Variants in CEP120 observed in about 807,000 individuals in gnomAD.
The protein encoded by CEP120 is centrosomal protein 120.
Under a neutral mutation model 126.5 loss-of-function variants are expected in CEP120, and 113 were observed. The observed-to-expected ratio is 0.89, with a 90% CI of 0.77 to 1.04. The LOEUF (loss-of-function observed/expected upper bound fraction) is 1.04. Among genes scored for constraint, CEP120 ranks in the 50% least tolerant of loss-of-function variants. The pLI is 0.00. For missense variants in CEP120, 1,230 were observed against 1,155.7 expected, an observed-to-expected ratio of 1.06 and a Z score of -0.93; for synonymous variants, 400 against 394.3, an observed-to-expected ratio of 1.01 and a Z score of -0.17.
intron 18 of CEP120, among the ~76,000 whole-genome samples, chr5:123,360,393 C>G (rs759705553): frequency 1.3e-5 from 2 of 151,758 alleles, no homozygotes; most frequent in Non-Finnish European, 2.9e-5. Context: ...ATCAATGATT[C>G]CTAGTGACCT....
chr5:123,384,053 TCTC>T (rs1417894016), intron 11 of CEP120, among the ~76,000 whole-genome samples: 1 of 152,086 alleles, frequency 6.6e-6, no homozygotes, highest in Non-Finnish European at 1.5e-5. Flanking sequence ...CTTAAGTAAA[TCTC>T]CTAAAACTTT....
At chr5:123,408,345 GATAA>G (rs1773828799) in intron 4 of CEP120, among the ~76,000 whole-genome samples, 1 of 143,082 alleles carries the variant, frequency 7.0e-6, no homozygotes, top group Non-Finnish European at 1.5e-5. Flanking sequence ...TCTCTGAAAA[GATAA>G]ATAAAATCAA....
chr5:123,381,012 T>C (rs1156867699), intron 14 of CEP120, among the ~76,000 whole-genome samples: 1 of 151,792 alleles, frequency 6.6e-6, no homozygotes, highest in South Asian at 2.1e-4. Context: ...TATTCAAGTT[T>C]TTAATGGTGA....
chr5:123,355,036 T>A (rs1216846702), intron 18 of CEP120, among the ~76,000 whole-genome samples: 1 of 150,278 alleles, frequency 6.7e-6, no homozygotes, highest in Non-Finnish European at 1.5e-5. Context: ...ACATGCGGTG[T>A]TTGGTTTTTT....
At chr5:123,406,436 T>A (rs1580728558) in intron 4 of CEP120, among the ~76,000 whole-genome samples, 3 of 142,408 alleles carry the variant, frequency 2.1e-5, no homozygotes, top group South Asian at 2.2e-4. Context: ...TATTAAAACA[T>A]CAGAAAATCA....
At chr5:123,386,442 T>C (rs751083520) in intron 10 of CEP120, 76 bp downstream of exon 10, 123 of 1,077,928 alleles carry the variant, frequency 1.1e-4, no homozygotes, top group Non-Finnish European at 1.5e-4. Context: ...CCTATAAGAA[T>C]TCCTTTTTAA....
intron 4 of CEP120, chr5:123,402,183 C>T (rs4836004): frequency 0.44 from 690,251 of 1,567,406 alleles, 152,358 homozygotes; most frequent in Middle Eastern, 0.48. Flanking sequence ...GGCCCCACCA[C>T]AGCCGCCGCC....
chr5:123,370,600 C>T (rs1388449280), intron 17 of CEP120, among the ~76,000 whole-genome samples: 1 of 151,358 alleles, frequency 6.6e-6, no homozygotes, highest in Non-Finnish European at 1.5e-5. Flanking sequence ...ACCTCAGCCT[C>T]CTGAGTAGCT....
intron 1 of CEP120, among the ~76,000 whole-genome samples, chr5:123,421,412 C>A (rs566845856): frequency 4.6e-5 from 7 of 152,280 alleles, no homozygotes; most frequent in Admixed American, 4.6e-4. Context: ...TAACACACAT[C>A]GCACAGCTCT....
chr5:123,395,652 A>ATGTTGTG (rs1005112056), intron 5 of CEP120, among the ~76,000 whole-genome samples: 1 of 138,724 alleles, frequency 7.2e-6, no homozygotes, highest in Non-Finnish European at 1.6e-5. Context: ...CCATTCCTTT[A>ATGTTGTG]TGTTGTGGCA....
intron 11 of CEP120, among the ~76,000 whole-genome samples, chr5:123,384,282 T>C (rs1448498677): frequency 2.4e-5 from 3 of 126,132 alleles, no homozygotes; most frequent in African/African-American, 8.1e-5. Context: ...AAAATTTCAC[T>C]GAGCCTTGTT....
chr5:123,397,612 A>T (rs1173252675), intron 5 of CEP120, among the ~76,000 whole-genome samples: 3 of 152,224 alleles, frequency 2.0e-5, no homozygotes, highest in Non-Finnish European at 4.4e-5. Context: ...GAGAAAGAGT[A>T]AATGCTCAAA....
At chr5:123,401,045 G>A (rs1245012716) in intron 4 of CEP120, 46 of 1,556,040 alleles carry the variant, frequency 3.0e-5, no homozygotes, top group Admixed American at 1.0e-4. Context: ...AGCTGAGGCC[G>A]GGGCTTGTGA....
intron 18 of CEP120, among the ~76,000 whole-genome samples, chr5:123,361,552 A>G (rs551421202): frequency 6.6e-6 from 1 of 151,966 alleles, no homozygotes; most frequent in South Asian, 2.1e-4. Context: ...ACTCTTGCAC[A>G]TCTGTACATT....
intron 16 of CEP120, among the ~76,000 whole-genome samples, chr5:123,373,042 T>C (rs553812974): frequency 6.6e-6 from 1 of 152,230 alleles, no homozygotes; most frequent in African/African-American, 2.4e-5. Context: ...AAATGTCAAA[T>C]GTAAAAGTTA....
chr5:123,379,739 C>T (rs1771511235), intron 14 of CEP120, among the ~76,000 whole-genome samples: 1 of 152,068 alleles, frequency 6.6e-6, no homozygotes, highest in Non-Finnish European at 1.5e-5. Flanking sequence ...TTGAGGCACA[C>T]TCTTTCCTCC....
intron 15 of CEP120, 94 bp from the exon 16 acceptor site, chr5:123,377,629 G>T: frequency 1.1e-6 from 1 of 928,336 alleles, no homozygotes; most frequent in Non-Finnish European, 1.6e-6. Flanking sequence ...CAAATGTTGA[G>T]GATATTTACA....
intron 16 of CEP120, among the ~76,000 whole-genome samples, chr5:123,374,294 C>T (rs1290498562): frequency 6.6e-6 from 1 of 152,056 alleles, no homozygotes; most frequent in African/African-American, 2.4e-5. Context: ...ACCTAGTGAG[C>T]TAAGTCAGTA....
At chr5:123,379,742 T>C (rs1017506187) in intron 14 of CEP120, among the ~76,000 whole-genome samples, 14 of 152,104 alleles carry the variant, frequency 9.2e-5, no homozygotes, top group Admixed American at 6.6e-4. Flanking sequence ...AGGCACACTC[T>C]TTCCTCCCCT....
Sources: allele counts gnomAD v4.1 joint callset (sites outside exome capture counted in the v4.1 genomes callset), GRCh38; gene constraint gnomAD v4.1.1; transcripts MANE v1.5; gene names NCBI Gene and HGNC (gene_info 2026-07-23, HGNC 2026-07-21).